Variants in CNTNAP2 observed in about 807,000 individuals in gnomAD.
CNTNAP2 encodes the protein contactin associated protein 2.
Under a neutral mutation model 155.2 loss-of-function variants are expected in CNTNAP2, and 98 were observed. The ratio of observed to expected loss-of-function variants is 0.63; its 90% CI spans 0.54 to 0.75. The LOEUF is 0.75. Ranked by LOEUF, CNTNAP2 falls within the 30% of genes least tolerant of loss-of-function variation. The pLI is 0.00. For synonymous variants in CNTNAP2, 651 were observed against 631.2 expected (o/e 1.03, Z -0.47); for missense variants, 1,727 against 1,688.1 (o/e 1.02, Z -0.40).
At chr7:147,132,135 A>C in intron 7 of CNTNAP2, 110 bp from the exon 8 acceptor site, 1 of 1,380,762 alleles carries the variant, frequency 7.2e-7, no homozygotes, top group Middle Eastern at 2.3e-4. Context: ...AGTTTAGCTT[A>C]GGCTCAGGCT....
intron 13 of CNTNAP2, among the ~76,000 whole-genome samples, chr7:147,794,439 A>G (rs2116577980): frequency 6.6e-6 from 1 of 152,116 alleles, no homozygotes; most frequent in Middle Eastern, 3.4e-3. Context: ...TTCCATGAAT[A>G]TGGTATATTA....
chr7:147,564,755 C>T (rs1376548994), intron 12 of CNTNAP2, among the ~76,000 whole-genome samples: 1 of 152,176 alleles, frequency 6.6e-6, no homozygotes, highest in Non-Finnish European at 1.5e-5. Context: ...TCAATATCTC[C>T]CTTAAACAGC....
intron 1 of CNTNAP2, among the ~76,000 whole-genome samples, chr7:146,611,734 A>C (rs922141457): frequency 6.6e-6 from 1 of 152,210 alleles, no homozygotes; most frequent in South Asian, 2.1e-4. Context: ...TATAATTTAA[A>C]TTACATATTT....
chr7:146,196,827 C>T (rs1798783549), intron 1 of CNTNAP2, among the ~76,000 whole-genome samples: 1 of 152,054 alleles, frequency 6.6e-6, no homozygotes, highest in Non-Finnish European at 1.5e-5. Context: ...TGTATTGTCG[C>T]ACTACTATTG....
At chr7:148,130,852 A>G (rs1048043188) in intron 16 of CNTNAP2, among the ~76,000 whole-genome samples, 4 of 152,200 alleles carry the variant, frequency 2.6e-5, no homozygotes, top group African/African-American at 9.6e-5. Flanking sequence ...AAAATAAGAC[A>G]GAAGACTTCA....
intron 20 of CNTNAP2, among the ~76,000 whole-genome samples, chr7:148,260,800 A>G (rs1193954895): frequency 6.6e-6 from 1 of 152,220 alleles, no homozygotes; most frequent in East Asian, 1.9e-4. Flanking sequence ...AAGTTGACGT[A>G]GGAGAGACTA....
At chr7:147,151,496 A>G (rs1464588359) in intron 8 of CNTNAP2, among the ~76,000 whole-genome samples, 1 of 152,182 alleles carries the variant, frequency 6.6e-6, no homozygotes, top group Non-Finnish European at 1.5e-5. Flanking sequence ...TTTTCAGCTA[A>G]TCCCTAGAAA....
chr7:147,030,836 A>C (rs1799017659), intron 3 of CNTNAP2, among the ~76,000 whole-genome samples: 1 of 152,146 alleles, frequency 6.6e-6, no homozygotes, highest in Admixed American at 6.5e-5. Context: ...GTGAGCTGTG[A>C]TTACACCACT....
At chr7:148,121,532 T>C (rs912586034) in intron 16 of CNTNAP2, among the ~76,000 whole-genome samples, 1 of 152,214 alleles carries the variant, frequency 6.6e-6, no homozygotes, top group Admixed American at 6.5e-5. Flanking sequence ...TCTATGTTTT[T>C]CCCATTTAGC....
chr7:147,954,436 A>C (rs1800986366), intron 14 of CNTNAP2, among the ~76,000 whole-genome samples: 1 of 151,954 alleles, frequency 6.6e-6, no homozygotes, highest in African/African-American at 2.4e-5. Context: ...ATTATACAGA[A>C]GGAAAAGAAG....
intron 15 of CNTNAP2, among the ~76,000 whole-genome samples, chr7:148,026,652 C>G (rs1329741287): frequency 6.6e-6 from 1 of 152,156 alleles, no homozygotes; most frequent in Non-Finnish European, 1.5e-5. Context: ...CTTTGGATCT[C>G]TTGTTTTTAA....
chr7:148,166,424 C>G (rs1000612016), intron 17 of CNTNAP2, among the ~76,000 whole-genome samples: 1 of 151,640 alleles, frequency 6.6e-6, no homozygotes, highest in Non-Finnish European at 1.5e-5. Flanking sequence ...TGGCCAGTCT[C>G]TTTGGGCAAA....
At chr7:147,295,027 GT>G in intron 8 of CNTNAP2, among the ~76,000 whole-genome samples, 1 of 152,076 alleles carries the variant, frequency 6.6e-6, no homozygotes. Flanking sequence ...AAGTGTCCAT[GT>G]TTTTGTCTTA....
chr7:146,483,793 G>T (rs1164389619), intron 1 of CNTNAP2, among the ~76,000 whole-genome samples: 1 of 152,064 alleles, frequency 6.6e-6, no homozygotes, highest in East Asian at 1.9e-4. Context: ...TTTATTACAA[G>T]AGAGTCTGAA....
intron 8 of CNTNAP2, among the ~76,000 whole-genome samples, chr7:147,176,735 GAATTATAAT>G (rs1563103859): frequency 1.1e-5 from 1 of 92,906 alleles, no homozygotes; most frequent in Non-Finnish European, 2.2e-5. Context: ...ATATATAATA[GAATTATAAT>G]TATAATATAT....
At chr7:146,352,857 C>T (rs538732298) in intron 1 of CNTNAP2, among the ~76,000 whole-genome samples, 4 of 149,146 alleles carry the variant, frequency 2.7e-5, no homozygotes, top group Non-Finnish European at 4.4e-5. Context: ...CGGGTTCACG[C>T]CATTCTCCTG....
At position 146,813,303 on chromosome 7, in the gene CNTNAP2, G is replaced by A. The variant is rs985021678; in HGVS notation, c.209-26408G>A. ...AGCCTATGAAAGCAGCCAACAGAAG[G>A]GCTATACCCTGCAAAGTCACAGGGG... On this transcript the variant is annotated intron_variant, in intron 2 of 23. Coordinates refer to ENST00000361727, the MANE Select transcript of CNTNAP2 (RefSeq NM_014141.6). 7.9e-5 allele frequency among the ~76,000 whole-genome samples: 12 copies of A among 152,154 alleles called. No individual in the cohort carries two copies. The East Asian group carries it at 2.3e-3, about 29-fold the overall frequency.
At chr7:147,360,234 C>T (rs1311458783) in intron 9 of CNTNAP2, among the ~76,000 whole-genome samples, 1 of 152,120 alleles carries the variant, frequency 6.6e-6, no homozygotes, top group African/African-American at 2.4e-5. Flanking sequence ...CCTTAGCTTT[C>T]ATCCTGTGTC....
intron 1 of CNTNAP2, among the ~76,000 whole-genome samples, chr7:146,408,086 C>T (rs1795817856): frequency 6.6e-6 from 1 of 152,044 alleles, no homozygotes. Flanking sequence ...TTCAGATTTT[C>T]AACTGTATGG....
Sources: gnomAD v4.1 joint callset for allele counts (sites outside exome capture counted in the v4.1 genomes callset) on GRCh38, gnomAD v4.1.1 for gene constraint, MANE v1.5 for transcripts, NCBI Gene and HGNC (gene_info 2026-07-23, HGNC 2026-07-21) for gene names.